Variants in SAMD11 observed in about 807,000 individuals in gnomAD.
SAMD11 encodes the protein sterile alpha motif domain-containing protein 11.
A neutral mutation model predicts 64.4 loss-of-function variants in SAMD11; 77 were observed. The observed-to-expected ratio is 1.20, with a 90% CI of 0.99 to 1.44. The LOEUF (loss-of-function observed/expected upper bound fraction) is 1.44, where lower values mean the gene tolerates loss of function less well. SAMD11 is among the 40% of genes most tolerant of loss of function. The probability of loss-of-function intolerance (pLI) is 0.00; values close to 1 mark genes in which losing one functional copy is unlikely to be tolerated. For synonymous variants in SAMD11, 658 were observed against 421.9 expected, an observed-to-expected ratio of 1.56 and a Z score of -6.86; for missense variants, 1,402 against 943.3, an observed-to-expected ratio of 1.49 and a Z score of -6.37.
In SAMD11 at chr1:925,961, A is replaced by G. The variant is rs754119496; in HGVS notation, c.557A>G (p.Gln186Arg). 6.2e-7 allele frequency: 1 copy of G among 1,612,162 alleles called. No homozygotes were observed. The highest frequency in any genetic ancestry group is 8.5e-7 in the Non-Finnish European group (1 of 1,179,928). Residue 186 changes from glutamine (Q) to arginine (R), a missense_variant, in exon 2 of 14, where the codon CAG becomes CGG. Gln to Arg is a conservative substitution (Grantham distance 43). Transcript: ENST00000616016. ...ACGCTTATGTCCAAGGGGATCCTGCAGGTGCATCCTCCGATCTGCGACTGC... is the reference window on the plus strand; with the variant it reads ...ACGCTTATGTCCAAGGGGATCCTGCGGGTGCATCCTCCGATCTGCGACTGC... ...LKTLMSKGIL[Q>R]VHPPICDCPG...
At chr1:939,600 C>G (rs967695007) in intron 7 of SAMD11, 188 bp downstream of exon 7, 19 of 1,029,284 alleles carry the variant, frequency 1.8e-5, no homozygotes, top group Non-Finnish European at 2.6e-5. Flanking sequence ...CCCCATGCCC[C>G]CTGGGGCGGG....
rs535863124 is a variant in SAMD11, at chr1:944,165, G to A, written c.*12G>A. 5.2e-6 allele frequency: 8 copies of A among 1,533,196 alleles called. No individual in the cohort carries two copies. The highest frequency in any genetic ancestry group is 3.9e-5 in the South Asian group (3 of 77,568). 95.0% of individuals were successfully genotyped at this position (1,533,196 alleles called of 1,614,324 possible). ...AGCCTCTGTGTTGAGGTTGCCGGGG[G>A]TAGGGGTGGGGCCACACAAATCTCC... On this transcript the variant is annotated 3_prime_UTR_variant, in exon 14 of 14. Transcript: ENST00000616016.
Position 944,246 on chromosome 1 carries a change from T to A in SAMD11, c.*93T>A. On this transcript the variant is annotated 3_prime_UTR_variant, in exon 14 of 14. Transcript: ENST00000616016. ...CTCCCACCGCTTTATTTCTTTCGGT[T>A]TCGGATGCAAAACAAAAAATTTTAA... is the stretch of plus-strand genomic sequence containing the variant. 6.9e-7 allele frequency: 1 copy of A among 1,454,082 alleles called. No individual in the cohort carries two copies. Among genetic ancestry groups the A allele is most frequent in the Non-Finnish European group, 9.1e-7 (1 of 1,104,338 alleles). 90.1% of individuals were successfully genotyped at this position (1,454,082 alleles called of 1,614,324 possible). A position where few individuals can be genotyped will look rare whatever the true frequency, so the allele number is the denominator to read the frequency against.
In SAMD11 at chr1:931,094, G is replaced by A. The variant is rs1249562349; in HGVS notation, c.842+5G>A. 1 of 1,611,886 alleles carries A rather than the reference G, an allele frequency of 6.2e-7. No homozygotes were observed. The highest frequency in any genetic ancestry group is 8.5e-7 in the Non-Finnish European group (1 of 1,179,350). On this transcript the variant is annotated splice_donor_5th_base_variant and intron_variant, in intron 4 of 13. Coordinates refer to ENST00000616016, the MANE Select transcript of SAMD11 (RefSeq NM_001385641.1). The stretch of plus-strand genomic sequence containing the variant: ...TTTCCGAGAGGCGTCCTGCAGGTAG[G>A]AGCCGTGCTGTGCGTGCATAAGAGG...
At chr1:927,544 C>A (rs1640952934) in intron 2 of SAMD11, among the ~76,000 whole-genome samples, 1 of 152,190 alleles carries the variant, frequency 6.6e-6, no homozygotes, top group African/African-American at 2.4e-5. Context: ...ACACCCTTCC[C>A]CTAGGAAGCA....
rs568742179 is a variant in SAMD11 at position 943,175 on chromosome 1, T to C, written c.2054-78T>C. On this transcript the variant is annotated intron_variant, in intron 11 of 13. Transcript: ENST00000616016. ...AGGCACCCATCCCCCACCTCAGCAA[T>C]TGGGGCACACGACGGTCAGGAGACG... The C allele has an allele frequency of 2.0e-4, 317 of 1,602,234 alleles. 1 individual carries two copies. Among genetic ancestry groups the C allele is most frequent in the Non-Finnish European group, 2.5e-4 (289 of 1,174,766 alleles).
Position 943,062 on chromosome 1 carries a change from G to T in SAMD11, c.2053+4G>T. Reference sequence around the variant, plus strand: ...GTCAGCCCCTACTTCCACACAGGTGGGCACCCCCACACTCTAGATCCTTCC... The same window carrying T: ...GTCAGCCCCTACTTCCACACAGGTGTGCACCCCCACACTCTAGATCCTTCC... On this transcript the variant is annotated splice_donor_region_variant and intron_variant, in intron 11 of 13. Coordinates refer to ENST00000616016, the MANE Select transcript of SAMD11 (RefSeq NM_001385641.1). The T allele has an allele frequency of 6.5e-7, 1 of 1,535,550 alleles. No homozygotes were observed. Among genetic ancestry groups the T allele is most frequent in the East Asian group, 2.3e-5 (1 of 43,488 alleles).
At position 944,297 on chromosome 1, in the gene SAMD11, G is replaced by A. The variant is rs1433814265; in HGVS notation, c.*144G>A. Reference sequence around the variant, plus strand: ...AAGAAAATGTGACTTCAAAGGAAAGGAACAAATTTTCAAAGACTTGGGGGA... The same window carrying A: ...AAGAAAATGTGACTTCAAAGGAAAGAAACAAATTTTCAAAGACTTGGGGGA... On this transcript the variant is annotated 3_prime_UTR_variant, in exon 14 of 14. Transcript: ENST00000616016. 5.0e-6 allele frequency: 7 copies of A among 1,399,238 alleles called. No homozygotes were observed. The highest frequency in any genetic ancestry group is 5.4e-5 in the East Asian group (2 of 36,956). The allele number at this position is 1,399,238 out of a possible 1,614,324, so 86.7% of individuals were successfully genotyped here. A position where few individuals can be genotyped will look rare whatever the true frequency, so the allele number is the denominator to read the frequency against.
chr1:943,288 G>A lies in SAMD11; in HGVS notation c.2089G>A (p.Ala697Thr). 1.2e-6 allele frequency: 2 copies of A among 1,612,470 alleles called. No homozygotes were observed. Among genetic ancestry groups the A allele is most frequent in the Non-Finnish European group, 1.7e-6 (2 of 1,179,712 alleles). ...VGGLSMDGEEAPAPEDVTKWT... is the reference protein window; with the variant it reads ...VGGLSMDGEETPAPEDVTKWT... ...GGGACTCTCCATGGATGGGGAGGAG[G>A]CCCCAGCCCCTGAGGACGTCACCAA... is the stretch of plus-strand genomic sequence containing the variant. Residue 697 changes from alanine (A) to threonine (T), a missense_variant, in exon 12 of 14, where the codon GCC (alanine) becomes ACC (threonine). Physicochemically the swap from Ala to Thr is moderately conservative, Grantham distance 58. Transcript: ENST00000616016.
At chr1:937,839 C>T (rs1237077481) in intron 5 of SAMD11, among the ~76,000 whole-genome samples, 1 of 152,266 alleles carries the variant, frequency 6.6e-6, no homozygotes, top group African/African-American at 2.4e-5. Flanking sequence ...ACCACTCTGT[C>T]AGCTGTAATG....
chr1:943,842 G>A (rs750161715), intron 13 of SAMD11, 34 bp downstream of exon 13: 37 of 1,612,814 alleles, frequency 2.3e-5, no homozygotes, highest in Non-Finnish European at 2.8e-5. Context: ...AGGGTCTCCA[G>A]ACCACAGCTG....
At position 930,274 on chromosome 1, in the gene SAMD11, C is replaced by T. The variant is rs147544000; in HGVS notation, c.729C>T (p.Thr243=). 3 of 1,608,648 alleles carry T rather than the reference C, an allele frequency of 1.9e-6. No individual in the cohort carries two copies. The African/African-American group carries it at 4.0e-5, about 21-fold the overall frequency. Residue 243 remains threonine (T), a synonymous_variant, in exon 3 of 14, where the codon ACC becomes ACT. Transcript: ENST00000616016. The part of the protein sequence containing the change: ...SDGDSDGSGP[T]CGRRPGLKQE... ...GTGACAGCGACGGGAGTGGCCCCAC[C>T]TGTGGGCGGCGGCCAGGCTTGAAGC...
intron 5 of SAMD11, 62 bp downstream of exon 5, chr1:935,958 C>G (rs939812957): frequency 1.4e-5 from 22 of 1,537,734 alleles, no homozygotes; most frequent in Non-Finnish European, 6.2e-6. Flanking sequence ...ACGGTGGCGT[C>G]TCCACTCAGC....
In SAMD11 at chr1:942,437, C is replaced by T. The variant is rs1004608122; in HGVS notation, c.1502C>T (p.Ala501Val). ...TACGGCTTCCTGCCCCCCGCGCAGG[C>T]GGAGATGTTCGCCTGGCAGCAGGAG... is the stretch of plus-strand genomic sequence containing the variant. Reference protein sequence around the residue: ...PGYGFLPPAQAEMFAWQQELL... With the variant: ...PGYGFLPPAQVEMFAWQQELL... Residue 501 changes from alanine (A) to valine (V), a missense_variant, in exon 10 of 14, where the codon GCG (alanine) becomes GTG (valine). Physicochemically the swap from Ala to Val is moderately conservative, Grantham distance 64 (BLOSUM62 0). Coordinates refer to ENST00000616016, the MANE Select transcript of SAMD11 (RefSeq NM_001385641.1). The T allele has an allele frequency of 2.7e-6, 4 of 1,487,140 alleles. No homozygotes were observed. In the African/African-American group the frequency reaches 4.4e-5, roughly 16 times the overall value. The allele number at this position is 1,487,140 out of a possible 1,614,324, so 92.1% of individuals were successfully genotyped here. A position where few individuals can be genotyped will look rare whatever the true frequency, so the allele number is the denominator to read the frequency against.
In SAMD11 at chr1:939,119, A is replaced by G; in HGVS notation, c.1047A>G (p.Glu349=). 1 of 1,594,732 alleles carries G rather than the reference A, an allele frequency of 6.3e-7. No homozygotes were observed. The highest frequency in any genetic ancestry group is 1.3e-5 in the African/African-American group (1 of 74,856). The change falls in exon 6 of 14, where the codon GAA becomes GAG. Residue 349 remains glutamate (E), a synonymous_variant. Coordinates refer to ENST00000616016, the MANE Select transcript of SAMD11 (RefSeq NM_001385641.1). ...TTTCAGAGAAGAGGGCACGAAGCGA[A>G]TCGCCTCAAGGTAAGAGCGTGGCTG... ...DCFSEKRARS[E]SPQEALLLPR...
intron 1 of SAMD11, 64 bp from the exon 2 acceptor site, chr1:925,858 T>C (rs1290479715): frequency 1.6e-6 from 2 of 1,230,114 alleles, no homozygotes; most frequent in Admixed American, 1.7e-5. Context: ...GTACTGGCCC[T>C]GCCGCTGACT....
Position 942,663 on chromosome 1 carries a change from A to T in SAMD11, c.1658A>T (p.Glu553Val). 7.0e-7 allele frequency: 1 copy of T among 1,431,864 alleles called. No individual in the cohort carries two copies. 88.7% of individuals were successfully genotyped at this position (1,431,864 alleles called of 1,614,324 possible). A position where few individuals can be genotyped will look rare whatever the true frequency, so the allele number is the denominator to read the frequency against. Residue 553 changes from glutamate to valine, a missense_variant, in exon 11 of 14, where the codon GAG becomes GTG. Glu to Val is a moderately radical substitution (Grantham distance 121). Transcript: ENST00000616016. ...TALRPNDGAEELQRRGALLVL... is the reference protein window; with the variant it reads ...TALRPNDGAEVLQRRGALLVL... Reference sequence around the variant, plus strand: ...CTGCGCCCCAACGACGGCGCCGAGGAGCTGCAGCGGCGCGGGGCCCTGCTG... The same window carrying T: ...CTGCGCCCCAACGACGGCGCCGAGGTGCTGCAGCGGCGCGGGGCCCTGCTG...
At position 943,128 on chromosome 1, in the gene SAMD11, G is replaced by T. The variant is rs188212419; in HGVS notation, c.2053+70G>T. On this transcript the variant is annotated intron_variant, in intron 11 of 13. Coordinates refer to ENST00000616016, the MANE Select transcript of SAMD11 (RefSeq NM_001385641.1). ...GGCAGGCCGCCTGTGGAAGGGTCTT[G>T]GGGGGAGGAAAAATTCCCCTTAGGC... 264 of 1,570,854 alleles carry T rather than the reference G, an allele frequency of 1.7e-4. 2 individuals are homozygous for T. In the East Asian group the frequency reaches 5.9e-3, roughly 35 times the overall value.
rs767505391 is a variant in SAMD11, at chr1:943,388, G to A, written c.2178+11G>A. 1.3e-6 allele frequency: 2 copies of A among 1,525,292 alleles called. No homozygotes were observed. Among genetic ancestry groups the A allele is most frequent in the Admixed American group, 4.2e-5 (2 of 47,734 alleles). 94.5% of individuals were successfully genotyped at this position (1,525,292 alleles called of 1,614,324 possible). ...GGAGAGTACACTCGGGTAAGGGGGG[G>A]CCCCAGTTCCTGGGGCGGGGCTGGA... is the stretch of plus-strand genomic sequence containing the variant. On this transcript the variant is annotated intron_variant, in intron 12 of 13. Coordinates refer to ENST00000616016, the MANE Select transcript of SAMD11 (RefSeq NM_001385641.1).
Sources: allele counts gnomAD v4.1 joint callset (sites outside exome capture counted in the v4.1 genomes callset), GRCh38; gene constraint gnomAD v4.1.1; transcripts MANE v1.5; gene names NCBI Gene and HGNC (gene_info 2026-07-23, HGNC 2026-07-21).